AVEN: variants seen among roughly 807,000 people sequenced by gnomAD.
AVEN encodes the protein apoptosis and caspase activation inhibitor.
AVEN carries 41 observed loss-of-function variants against 38.1 expected under a neutral mutation model. The observed-to-expected ratio is 1.08, with a 90% CI of 0.84 to 1.40. AVEN has a LOEUF of 1.40. Among genes scored for constraint, AVEN ranks in the 40% most tolerant of loss-of-function variants. The pLI is 0.00. For synonymous variants in AVEN, 206 were observed against 171.8 expected, an observed-to-expected ratio of 1.20 and a Z score of -1.56; for missense variants, 605 against 438.8, an observed-to-expected ratio of 1.38 and a Z score of -3.38.
intron 4 of AVEN, among the ~76,000 whole-genome samples, chr15:33,869,251 T>C (rs1403546423): frequency 6.6e-6 from 1 of 152,208 alleles, no homozygotes; most frequent in Non-Finnish European, 1.5e-5. Flanking sequence ...GATTCTAATG[T>C]GCAAACAAGG....
intron 4 of AVEN, 27 bp downstream of exon 4, chr15:33,870,908 G>T (rs761830276): frequency 6.4e-7 from 1 of 1,570,162 alleles, no homozygotes; most frequent in South Asian, 1.1e-5. Flanking sequence ...TAATCCACCC[G>T]CTTCAAGAGG....
At position 33,870,257 on chromosome 15, in the gene AVEN, G is replaced by C. The variant is rs536912854; in HGVS notation, c.612+678C>G. On this transcript the variant is annotated intron_variant, in intron 4 of 5. Coordinates refer to ENST00000306730, the MANE Select transcript of AVEN (RefSeq NM_020371.3). ...CACCTGTACAACAGCCTCCCCATGTGCCTCCCTCACCTGCTCTGTGCATGT... is the reference window on the plus strand; with the variant it reads ...CACCTGTACAACAGCCTCCCCATGTCCCTCCCTCACCTGCTCTGTGCATGT... Among the ~76,000 whole-genome samples the C allele has an allele frequency of 5.5e-4, 83 of 152,182 alleles. 1 individual carries two copies. Among genetic ancestry groups the C allele is most frequent in the Non-Finnish European group, 6.5e-4 (44 of 68,018 alleles).
chr15:33,854,925 C>G (rs1176734468), downstream of AVEN: 2 of 1,605,082 alleles, frequency 1.2e-6, no homozygotes, highest in South Asian at 1.1e-5. Flanking sequence ...ATGGTTTCTA[C>G]TGATGCAGAA....
chr15:33,964,194 A>C (rs1895302853), intron 2 of AVEN, among the ~76,000 whole-genome samples: 1 of 152,174 alleles, frequency 6.6e-6, no homozygotes, highest in Non-Finnish European at 1.5e-5. Context: ...AATGAGGAAT[A>C]TTAGTACCCA....
At chr15:33,904,519 C>T (rs899653751) in intron 2 of AVEN, among the ~76,000 whole-genome samples, 5 of 152,018 alleles carry the variant, frequency 3.3e-5, no homozygotes, top group Non-Finnish European at 7.4e-5. Flanking sequence ...TCAAACGATT[C>T]TCCTGCCTCA....
chr15:33,874,707 G>T (rs778526537), intron 3 of AVEN, among the ~76,000 whole-genome samples: 18 of 152,186 alleles, frequency 1.2e-4, no homozygotes, highest in Non-Finnish European at 2.9e-5. Flanking sequence ...AACAGGCATG[G>T]TCTGTCTCAT....
At chr15:33,877,601 G>C (rs914201765) in intron 2 of AVEN, among the ~76,000 whole-genome samples, 3 of 152,182 alleles carry the variant, frequency 2.0e-5, no homozygotes, top group Non-Finnish European at 2.9e-5. Context: ...GATCACTTGA[G>C]GTCAGGAGTT....
chr15:33,961,710 G>A (rs563554872), intron 2 of AVEN, among the ~76,000 whole-genome samples: 2 of 150,900 alleles, frequency 1.3e-5, no homozygotes, highest in South Asian at 4.2e-4. Context: ...CTACTCGGGA[G>A]GCTGAGGCAG....
chr15:34,039,921 A>G (rs532803036), upstream of AVEN, among the ~76,000 whole-genome samples: 11 of 152,200 alleles, frequency 7.2e-5, no homozygotes, highest in Non-Finnish European at 2.9e-5. Flanking sequence ...TCTTTCAACC[A>G]AGGAGAAAAC....
intron 2 of AVEN, among the ~76,000 whole-genome samples, chr15:33,945,475 TA>T (rs1894470374): frequency 6.6e-6 from 1 of 152,216 alleles, no homozygotes; most frequent in Non-Finnish European, 1.5e-5. Flanking sequence ...AAATTTATAG[TA>T]CTCCCCTGCT....
chr15:33,852,353 G>C, the AVEN span: 1 of 152,112 alleles, frequency 6.6e-6, no homozygotes, highest in African/African-American at 2.4e-5. Flanking sequence ...TTAACAGTAA[G>C]AAATATTTGC....
intron 2 of AVEN, among the ~76,000 whole-genome samples, chr15:33,939,648 T>C (rs1894237010): frequency 6.6e-6 from 1 of 152,228 alleles, no homozygotes; most frequent in Non-Finnish European, 1.5e-5. Flanking sequence ...CCCTCGTGTT[T>C]AGCTTTCTCA....
At chr15:34,043,684 A>T (rs1276236886), upstream of AVEN, among the ~76,000 whole-genome samples, 2 of 152,206 alleles carry the variant, frequency 1.3e-5, no homozygotes, top group Admixed American at 6.5e-5. Flanking sequence ...TGGAGTCATG[A>T]TTAGAGAACT....
chr15:33,960,261 C>T (rs950605342), intron 2 of AVEN, among the ~76,000 whole-genome samples: 8 of 152,152 alleles, frequency 5.3e-5, no homozygotes, highest in East Asian at 3.8e-4. Context: ...TTAAATGTCA[C>T]GTCTGTGAAT....
At chr15:33,858,833 T>A (rs2080011741) in exon 12 of AVEN, 1 of 152,218 alleles carries the variant, frequency 6.6e-6, no homozygotes, top group Non-Finnish European at 1.5e-5. Flanking sequence ...GACAGTGAAA[T>A]GCCCAGTCTG....
intron 1 of AVEN, among the ~76,000 whole-genome samples, chr15:34,003,802 A>G (rs982388461): frequency 3.3e-5 from 5 of 152,224 alleles, no homozygotes; most frequent in African/African-American, 1.2e-4. Flanking sequence ...AATGAAAACC[A>G]TTCCACATCT....
chr15:34,032,808 T>A (rs1430058203), intron 1 of AVEN, among the ~76,000 whole-genome samples: 2 of 152,214 alleles, frequency 1.3e-5, no homozygotes, highest in Non-Finnish European at 2.9e-5. Context: ...AACAATAGGA[T>A]AATTTTAAAT....
rs1218201737 is a variant in AVEN at position 34,073,214 on chromosome 15, T to TTC, written n.720+1221_720+1222insGA. The stretch of plus-strand genomic sequence containing the variant: ...CGCCACCTCGCCCGGCTAATTTTTT[T>TTC]TTTTTTTTTTTTTTGTATTTTTAGT... On this transcript the variant is annotated intron_variant and non_coding_transcript_variant, in intron 1 of 11. Coordinates refer to the AVEN transcript ENST00000675287. Among the ~76,000 whole-genome samples the TTC allele has an allele frequency of 2.1e-5, 3 of 146,320 alleles. No individual in the cohort carries two copies. In the East Asian group the frequency reaches 6.1e-4, roughly 30 times the overall value.
chr15:34,023,976 C>A (rs1898325919), intron 1 of AVEN, among the ~76,000 whole-genome samples: 1 of 152,148 alleles, frequency 6.6e-6, no homozygotes, highest in African/African-American at 2.4e-5. Flanking sequence ...GTAAGCTAAA[C>A]CTCTTCTCCC....
Sources: allele counts gnomAD v4.1 joint callset (sites outside exome capture counted in the v4.1 genomes callset), GRCh38; gene constraint gnomAD v4.1.1; transcripts MANE v1.5; gene names NCBI Gene and HGNC (gene_info 2026-07-23, HGNC 2026-07-21).